The following USH2A variants were observed in gnomAD, a reference collection of about 807,000 sequenced individuals.
The protein encoded by USH2A is Usher syndrome 2A (autosomal recessive, mild).
Under a neutral mutation model 538.9 loss-of-function variants are expected in USH2A, and 443 were observed. The observed-to-expected ratio is 0.82, with a 90% CI of 0.76 to 0.89. The LOEUF is 0.89. USH2A is among the 40% of genes least tolerant of loss of function. The pLI is 0.00. For missense variants in USH2A, 6,633 were observed against 6,324.8 expected (o/e 1.05, Z -1.65); for synonymous variants, 2,413 against 2,273.5 (o/e 1.06, Z -1.75).
intron 44 of USH2A, among the ~76,000 whole-genome samples, chr1:215,858,474 T>C (rs549089477): frequency 6.7e-6 from 1 of 150,280 alleles, no homozygotes; most frequent in African/African-American, 2.5e-5. Context: ...GTTCCTCCTA[T>C]GTGTGCATTC....
rs112729758 is a variant in USH2A at position 215,911,316 on chromosome 1, T to C, written c.7301-10411A>G. Reference sequence around the variant, plus strand: ...AGGTCTTATGCATTCATTCTATTTTTTTAACCCATTAAGCATCCCCTCCTC... The same window carrying C: ...AGGTCTTATGCATTCATTCTATTTTCTTAACCCATTAAGCATCCCCTCCTC... On this transcript the variant is annotated intron_variant, in intron 38 of 71. Transcript: ENST00000307340. Among the ~76,000 whole-genome samples, 1,158 of 152,108 alleles carry C rather than the reference T, an allele frequency of 7.6e-3. 15 individuals carry two copies. The highest frequency in any genetic ancestry group is 0.026 in the African/African-American group (1,092 of 41,552).
In USH2A at chr1:216,175,100, A is replaced by G. The variant is rs1558298264; in HGVS notation, c.4627+152T>C. ...TCCCCAGAATTCTAAAAAGATGGAC[A>G]TGCTGAAACAATCAGGCAAAAGCTA... On this transcript the variant is annotated intron_variant, in intron 21 of 71. Transcript: ENST00000307340. The G allele has an allele frequency of 4.7e-6, 7 of 1,474,268 alleles. No homozygotes were observed. In the East Asian group the frequency reaches 7.6e-5, roughly 16 times the overall value. The allele number at this position is 1,474,268 out of a possible 1,614,324, so 91.3% of individuals were successfully genotyped here.
intron 32 of USH2A, among the ~76,000 whole-genome samples, chr1:216,025,628 G>A (rs1366415933): frequency 6.6e-6 from 1 of 152,170 alleles, no homozygotes; most frequent in African/African-American, 2.4e-5. Context: ...AATAGATGCT[G>A]TATTTGAGAA....
At chr1:215,848,882 A>T (rs896819966) in intron 44 of USH2A, among the ~76,000 whole-genome samples, 1 of 152,216 alleles carries the variant, frequency 6.6e-6, no homozygotes, top group Non-Finnish European at 1.5e-5. Flanking sequence ...TCATTGCTCA[A>T]ATAAGGTCTT....
intron 41 of USH2A, among the ~76,000 whole-genome samples, chr1:215,886,242 T>A (rs11809985): frequency 0.041 from 6,176 of 152,328 alleles, 134 homozygotes; most frequent in Middle Eastern, 0.068. Flanking sequence ...TTATTTCATA[T>A]AAAATATTTT....
intron 32 of USH2A, among the ~76,000 whole-genome samples, chr1:216,002,414 TG>T (rs1352675960): frequency 1.3e-5 from 2 of 152,136 alleles, no homozygotes. Context: ...AAAGAGAAGC[TG>T]GGGATTTGAC....
At chr1:216,102,314 G>T (rs2032601676) in intron 21 of USH2A, among the ~76,000 whole-genome samples, 1 of 150,722 alleles carries the variant, frequency 6.6e-6, no homozygotes, top group South Asian at 2.1e-4. Flanking sequence ...CCAAATATGT[G>T]CAACTACTGT....
chr1:215,973,641 C>A (rs1438912890), intron 35 of USH2A, among the ~76,000 whole-genome samples: 1 of 105,964 alleles, frequency 9.4e-6, no homozygotes, highest in Non-Finnish European at 2.1e-5. Context: ...TCCAAATTTA[C>A]TTCTTCTTCT....
At chr1:216,096,970 ACTTAC>A (rs1270076541) in intron 22 of USH2A, 108 bp downstream of exon 22, 2 of 1,130,908 alleles carry the variant, frequency 1.8e-6, no homozygotes, top group Admixed American at 4.5e-5. Flanking sequence ...TAATAATAGT[ACTTAC>A]CTTACAAGGT....
chr1:216,235,317 T>C (rs2035786264), intron 13 of USH2A, among the ~76,000 whole-genome samples: 2 of 152,202 alleles, frequency 1.3e-5, no homozygotes, highest in Admixed American at 6.5e-5. Flanking sequence ...CTGATCATAT[T>C]GAGATTTCAT....
chr1:216,179,348 C>T (rs924354014), intron 20 of USH2A, among the ~76,000 whole-genome samples: 2 of 151,668 alleles, frequency 1.3e-5, no homozygotes, highest in African/African-American at 4.8e-5. Context: ...TAGGGAAATT[C>T]TTGAGAGTCC....
At chr1:215,976,354 A>G (rs1018114738) in intron 35 of USH2A, among the ~76,000 whole-genome samples, 1 of 152,160 alleles carries the variant, frequency 6.6e-6, no homozygotes, top group Non-Finnish European at 1.5e-5. Flanking sequence ...TATGTTGAGT[A>G]AGAGTGGTGA....
At chr1:215,743,032 T>G in intron 59 of USH2A, 145 bp downstream of exon 59, 2 of 910,756 alleles carry the variant, frequency 2.2e-6, no homozygotes, top group South Asian at 3.0e-5. Context: ...CAGACTGTGA[T>G]TTTTCTGGGT....
At chr1:215,703,407 A>C (rs1415859619) in intron 61 of USH2A, among the ~76,000 whole-genome samples, 1 of 152,102 alleles carries the variant, frequency 6.6e-6, no homozygotes, top group Non-Finnish European at 1.5e-5. Context: ...CTGAAGTTGC[A>C]CCCACAGCCA....
intron 55 of USH2A, among the ~76,000 whole-genome samples, chr1:215,779,629 T>C (rs1483705625): frequency 6.6e-6 from 1 of 152,202 alleles, no homozygotes; most frequent in Non-Finnish European, 1.5e-5. Context: ...AGGCCAAATA[T>C]AAATTATTTC....
intron 16 of USH2A, among the ~76,000 whole-genome samples, chr1:216,201,309 CTTTTTTT>C (rs527521817): frequency 7.5e-6 from 1 of 133,678 alleles, no homozygotes; most frequent in Non-Finnish European, 1.6e-5. Flanking sequence ...AGTCTTTTTT[CTTTTTTT>C]TTTTTTTTTG....
At chr1:216,291,283 T>C (rs1029642899) in intron 10 of USH2A, among the ~76,000 whole-genome samples, 1 of 152,150 alleles carries the variant, frequency 6.6e-6, no homozygotes, top group Admixed American at 6.6e-5. Flanking sequence ...TTCTCCCTCC[T>C]CTAGGCCACT....
chr1:215,959,503 G>A (rs1485953255), intron 37 of USH2A, among the ~76,000 whole-genome samples: 1 of 151,876 alleles, frequency 6.6e-6, no homozygotes, highest in Non-Finnish European at 1.5e-5. Flanking sequence ...CCTGTTTGTT[G>A]TACCTCTCCA....
intron 32 of USH2A, among the ~76,000 whole-genome samples, chr1:216,010,195 C>A (rs1267255898): frequency 2.6e-5 from 4 of 152,318 alleles, no homozygotes; most frequent in South Asian, 2.1e-4. Flanking sequence ...ACCCCAGCCA[C>A]ATCTCCAGCA....
Sources: gnomAD v4.1 joint callset for allele counts (sites outside exome capture counted in the v4.1 genomes callset) on GRCh38, gnomAD v4.1.1 for gene constraint, MANE v1.5 for transcripts, NCBI Gene and HGNC (gene_info 2026-07-23, HGNC 2026-07-21) for gene names.